SCAPER: variants seen among roughly 807,000 people sequenced by gnomAD.
SCAPER encodes S-phase cyclin A associated protein in the ER.
A neutral mutation model predicts 182.2 loss-of-function variants in SCAPER; 98 were observed. The observed-to-expected ratio is 0.54, with a 90% CI of 0.46 to 0.64. The LOEUF is 0.64. Among genes scored for constraint, SCAPER ranks in the 30% least tolerant of loss-of-function variants. The probability of loss-of-function intolerance (pLI) is 0.00; values close to 1 mark genes in which losing one functional copy is unlikely to be tolerated. For missense variants in SCAPER, 1,432 were observed against 1,690.0 expected (o/e 0.85, Z 2.68); for synonymous variants, 605 against 564.6 (o/e 1.07, Z -1.01).
intron 29 of SCAPER, among the ~76,000 whole-genome samples, chr15:76,368,631 G>T (rs1488600312): frequency 6.6e-6 from 1 of 152,212 alleles, no homozygotes; most frequent in Non-Finnish European, 1.5e-5. Context: ...GATCAGCATG[G>T]ACTTCACTAG....
In SCAPER at chr15:76,406,937, T is replaced by A. The variant is rs191036930; in HGVS notation, c.3312-2258A>T. Among the ~76,000 whole-genome samples, 45 of 152,322 alleles carry A rather than the reference T, an allele frequency of 3.0e-4. No individual in the cohort carries two copies. In the East Asian group the frequency reaches 7.5e-3, roughly 26 times the overall value. ...GGACCACTCAACATCTTCTGTGGGA[T>A]TAATATATGACCATAGGAAAAATAT... On this transcript the variant is annotated intron_variant, in intron 26 of 31. Coordinates refer to ENST00000563290, the MANE Select transcript of SCAPER (RefSeq NM_020843.4).
chr15:76,646,218 G>A (rs2054533266), intron 21 of SCAPER, among the ~76,000 whole-genome samples: 1 of 152,040 alleles, frequency 6.6e-6, no homozygotes, highest in South Asian at 2.1e-4. Context: ...TCCGCACGTG[G>A]AACCCACAGA....
At chr15:76,878,037 A>G (rs2073289123) in intron 2 of SCAPER, among the ~76,000 whole-genome samples, 1 of 152,186 alleles carries the variant, frequency 6.6e-6, no homozygotes, top group Non-Finnish European at 1.5e-5. Context: ...GAAAAGTAAT[A>G]TGCATATATT....
chr15:76,621,996 T>C (rs1458594020), intron 21 of SCAPER, among the ~76,000 whole-genome samples, 167 bp from the exon 22 acceptor site: 1 of 152,152 alleles, frequency 6.6e-6, no homozygotes, highest in African/African-American at 2.4e-5. Flanking sequence ...AATGAAAAGA[T>C]AAATACAGGT....
chr15:76,841,607 A>G, intron 5 of SCAPER, 127 bp downstream of exon 5: 1 of 922,992 alleles, frequency 1.1e-6, no homozygotes, highest in Non-Finnish European at 1.6e-6. Context: ...AGATCGCGTC[A>G]CTACACTCCA....
At chr15:76,800,130 T>C in intron 7 of SCAPER, 118 bp downstream of exon 7, 1 of 240,106 alleles carries the variant, frequency 4.2e-6, no homozygotes, top group Non-Finnish European at 9.0e-6. Context: ...CTGTATACAG[T>C]ATTCTGCATA....
chr15:76,771,878 G>A lies in SCAPER; in HGVS notation c.1112C>T (p.Ser371Phe). 6.2e-7 allele frequency: 1 copy of A among 1,613,058 alleles called. No homozygotes were observed. The highest frequency in any genetic ancestry group is 1.1e-5 in the South Asian group (1 of 91,060). ...RDNYVRTSEI[S>F]AVHIDTECVS... ...ACACTCTGTATCAATGTGGACAGCAGATATTTCAGAAGTTCGAACATAATT... is the reference window on the plus strand; with the variant it reads ...ACACTCTGTATCAATGTGGACAGCAAATATTTCAGAAGTTCGAACATAATT... Residue 371 changes from serine to phenylalanine, a missense_variant, in exon 10 of 32, where the codon TCT becomes TTT. By Grantham distance (155) the Ser-to-Phe change is radical. Around this residue, in one of 5 missense-constraint regions of SCAPER, gnomAD observed 480 missense variants for 510.2 expected, o/e 0.94. Coordinates refer to ENST00000563290, the MANE Select transcript of SCAPER (RefSeq NM_020843.4).
chr15:76,466,810 A>G (rs2049699971), intron 25 of SCAPER, among the ~76,000 whole-genome samples: 1 of 151,874 alleles, frequency 6.6e-6, no homozygotes, highest in African/African-American at 2.4e-5. Flanking sequence ...CAATTTCTCA[A>G]CTAGAGATGC....
At chr15:76,713,537 C>A (rs980238428) in intron 17 of SCAPER, among the ~76,000 whole-genome samples, 1 of 151,854 alleles carries the variant, frequency 6.6e-6, no homozygotes, top group African/African-American at 2.4e-5. Context: ...GGACAAAAAA[C>A]CAAACACCGC....
intron 25 of SCAPER, among the ~76,000 whole-genome samples, chr15:76,468,691 T>C (rs2049885908): frequency 6.6e-6 from 1 of 152,186 alleles, no homozygotes; most frequent in Non-Finnish European, 1.5e-5. Flanking sequence ...TAGTACTCTA[T>C]ACAGGCTGCT....
At chr15:76,405,706 G>A (rs2044778903) in intron 26 of SCAPER, among the ~76,000 whole-genome samples, 1 of 152,160 alleles carries the variant, frequency 6.6e-6, no homozygotes, top group Non-Finnish European at 1.5e-5. Context: ...AATCAACCTT[G>A]GCCTAGAAAT....
At position 76,473,759 on chromosome 15, in the gene SCAPER, T is replaced by C. The variant is rs1308622462; in HGVS notation, c.2955-2424A>G. 1.3e-4 allele frequency among the ~76,000 whole-genome samples: 20 copies of C among 152,150 alleles called. 1 individual carries two copies. Among genetic ancestry groups the C allele is most frequent in the Admixed American group, 1.2e-3 (19 of 15,274 alleles). ...ACTGCTCTCGGATAGGGGTTCTGTA[T>C]CTTGACTAAGCATTAGGATCACCTG... On this transcript the variant is annotated intron_variant, in intron 24 of 31. Transcript: ENST00000563290.
intron 23 of SCAPER, among the ~76,000 whole-genome samples, chr15:76,543,494 C>T (rs772918696): frequency 5.2e-4 from 79 of 152,290 alleles, no homozygotes; most frequent in African/African-American, 1.9e-3. Context: ...CTGGGCATAG[C>T]ACTGTGGTTT....
Position 76,608,802 on chromosome 15 carries a change from T to A in SCAPER, c.2711+12962A>T, listed in dbSNP as rs11855368. Among the ~76,000 whole-genome samples, 1,240 of 152,308 alleles carry A rather than the reference T, an allele frequency of 8.1e-3. 13 individuals are homozygous for A. The highest frequency in any genetic ancestry group is 0.028 in the African/African-American group (1,177 of 41,564). ...TGTGCTAGCAATGAGTGAGACTCCG[T>A]TGGGGTAGGACCCTCTGAGCCAGGT... On this transcript the variant is annotated intron_variant, in intron 22 of 31. Coordinates refer to ENST00000563290, the MANE Select transcript of SCAPER (RefSeq NM_020843.4).
intron 26 of SCAPER, among the ~76,000 whole-genome samples, chr15:76,406,548 T>G (rs1484502344): frequency 6.6e-6 from 1 of 151,896 alleles, no homozygotes; most frequent in East Asian, 1.9e-4. Context: ...TTTGGGAGGC[T>G]GAGGCAGGAG....
intron 23 of SCAPER, among the ~76,000 whole-genome samples, chr15:76,510,045 C>T (rs1021791519): frequency 6.6e-6 from 1 of 152,166 alleles, no homozygotes; most frequent in African/African-American, 2.4e-5. Flanking sequence ...GAAACTGGAT[C>T]CTCATCTCTC....
chr15:76,696,880 A>C (rs1377659831), intron 20 of SCAPER, among the ~76,000 whole-genome samples: 1 of 152,202 alleles, frequency 6.6e-6, no homozygotes, highest in Non-Finnish European at 1.5e-5. Context: ...AACACAGTCC[A>C]TTTTGTTAAG....
chr15:76,894,419 T>C (rs2074320128), intron 1 of SCAPER, among the ~76,000 whole-genome samples: 1 of 151,784 alleles, frequency 6.6e-6, no homozygotes, highest in African/African-American at 2.4e-5. Context: ...CTGGGCAACA[T>C]AGCAAGATCC....
chr15:76,442,071 A>G (rs563505213), intron 25 of SCAPER, among the ~76,000 whole-genome samples: 1 of 152,304 alleles, frequency 6.6e-6, no homozygotes, highest in East Asian at 1.9e-4. Flanking sequence ...ATATATAGAT[A>G]TAGATATATA....
Sources: allele counts gnomAD v4.1 joint callset (sites outside exome capture counted in the v4.1 genomes callset), GRCh38; gene constraint gnomAD v4.1.1; regional missense constraint gnomAD v4.1.1; transcripts MANE v1.5; gene names NCBI Gene and HGNC (gene_info 2026-07-23, HGNC 2026-07-21).